Variants in SYT1 observed in about 807,000 individuals in gnomAD.
SYT1 encodes synaptotagmin 1.
SYT1 carries 8 observed loss-of-function variants against 44.8 expected under a neutral mutation model. The observed-to-expected ratio is 0.18, with a 90% CI of 0.10 to 0.32. The LOEUF is 0.32. Ranked by LOEUF, SYT1 falls within the 10% of genes least tolerant of loss-of-function variation. The pLI is 1.00. For synonymous variants in SYT1, 154 were observed against 188.8 expected, an observed-to-expected ratio of 0.82 and a Z score of 1.51; for missense variants, 286 against 509.3, an observed-to-expected ratio of 0.56 and a Z score of 4.22.
At chr12:78,996,272 A>C (rs1418030890) in intron 2 of SYT1, among the ~76,000 whole-genome samples, 1 of 152,208 alleles carries the variant, frequency 6.6e-6, no homozygotes, top group African/African-American at 2.4e-5. Flanking sequence ...TGCTCTCAAG[A>C]GAATCCCTTG....
At chr12:79,422,735 T>C (rs532448420) in intron 9 of SYT1, among the ~76,000 whole-genome samples, 1 of 152,196 alleles carries the variant, frequency 6.6e-6, no homozygotes, top group South Asian at 2.1e-4. Context: ...TTAATCCCTC[T>C]CTTTAATCAG....
At chr12:79,159,377 A>G (rs1014408327) in intron 3 of SYT1, among the ~76,000 whole-genome samples, 16 of 152,174 alleles carry the variant, frequency 1.1e-4, no homozygotes, top group African/African-American at 3.9e-4. Flanking sequence ...ATGGCTGGGA[A>G]GGTTGAGTAG....
rs375492827 is a variant in SYT1, at chr12:79,031,750, A to T, written c.-83-15547A>T. ...ATTATCAGACTGGGAAAGAGGAAAA[A>T]TGAGACATAGAATAAGATATAATAA... On this transcript the variant is annotated intron_variant, in intron 2 of 10. Coordinates refer to ENST00000261205, the MANE Select transcript of SYT1 (RefSeq NM_005639.3). 1.1e-4 allele frequency among the ~76,000 whole-genome samples: 16 copies of T among 151,186 alleles called. 1 individual carries two copies. Among genetic ancestry groups the T allele is most frequent in the East Asian group, 5.8e-4 (3 of 5,138 alleles).
chr12:79,026,483 G>T (rs369367463), intron 2 of SYT1, among the ~76,000 whole-genome samples: 2 of 150,850 alleles, frequency 1.3e-5, no homozygotes. Flanking sequence ...TAAGAAAAGC[G>T]AAAAGTTATA....
chr12:79,256,037 T>C (rs1877493930), intron 4 of SYT1, among the ~76,000 whole-genome samples: 2 of 152,204 alleles, frequency 1.3e-5, no homozygotes, highest in African/African-American at 2.4e-5. Flanking sequence ...GAATACAAAA[T>C]GAATAGTGGC....
chr12:78,889,973 A>G (rs1340500638), intron 1 of SYT1, among the ~76,000 whole-genome samples: 1 of 151,936 alleles, frequency 6.6e-6, no homozygotes, highest in Non-Finnish European at 1.5e-5. Context: ...AAACTTATGT[A>G]TATTTGAGTT....
chr12:79,357,185 A>G (rs764026978), intron 9 of SYT1, among the ~76,000 whole-genome samples: 34 of 152,196 alleles, frequency 2.2e-4, no homozygotes, highest in Admixed American at 3.9e-4. Flanking sequence ...TTTGGCCTCT[A>G]TTGTATATCC....
intron 9 of SYT1, among the ~76,000 whole-genome samples, chr12:79,411,358 G>A (rs1868417262): frequency 6.6e-6 from 1 of 152,140 alleles, no homozygotes; most frequent in African/African-American, 2.4e-5. Flanking sequence ...TTGACCACCT[G>A]CAAGGGAAGC....
chr12:79,427,029 T>G (rs1212539119), intron 9 of SYT1, among the ~76,000 whole-genome samples: 2 of 152,216 alleles, frequency 1.3e-5, no homozygotes, highest in Non-Finnish European at 2.9e-5. Flanking sequence ...GATTGTAAGT[T>G]TCCTGAGGCC....
chr12:79,271,324 A>C (rs961943478), intron 4 of SYT1, among the ~76,000 whole-genome samples: 1 of 152,192 alleles, frequency 6.6e-6, no homozygotes, highest in African/African-American at 2.4e-5. Context: ...ACGTTTTTCC[A>C]TCCGAGAGTT....
chr12:78,942,633 C>T (rs1488848437), intron 1 of SYT1, among the ~76,000 whole-genome samples: 1 of 152,158 alleles, frequency 6.6e-6, no homozygotes, highest in East Asian at 1.9e-4. Context: ...TCTAAGTCTC[C>T]TTAACTACTT....
At chr12:79,383,511 T>C (rs1245765) in intron 9 of SYT1, among the ~76,000 whole-genome samples, 75,801 of 151,952 alleles carry the variant, frequency 0.5, 23,477 homozygotes, top group African/African-American at 0.87. Flanking sequence ...GATATAGTTA[T>C]TTAAATAAAA....
intron 3 of SYT1, among the ~76,000 whole-genome samples, chr12:79,148,251 G>A (rs1050101889): frequency 2.6e-5 from 4 of 152,114 alleles, no homozygotes; most frequent in African/African-American, 7.2e-5. Flanking sequence ...GCATCATTAT[G>A]AGTGGGCAGC....
At chr12:79,344,855 A>G (rs1470926076) in intron 8 of SYT1, among the ~76,000 whole-genome samples, 1 of 152,196 alleles carries the variant, frequency 6.6e-6, no homozygotes, top group East Asian at 1.9e-4. Context: ...TTCTAATGGG[A>G]CCACAAGTGT....
chr12:79,318,875 CAG>C (rs1038624844), intron 8 of SYT1, among the ~76,000 whole-genome samples: 8 of 152,146 alleles, frequency 5.3e-5, no homozygotes, highest in African/African-American at 1.2e-4. Flanking sequence ...TTAAAATAGG[CAG>C]AGAGTGTGGA....
chr12:78,996,702 A>G (rs1024623321), intron 2 of SYT1, among the ~76,000 whole-genome samples: 4 of 152,184 alleles, frequency 2.6e-5, no homozygotes, highest in African/African-American at 9.7e-5. Flanking sequence ...GCCACACCCT[A>G]CAAATCCATA....
intron 2 of SYT1, among the ~76,000 whole-genome samples, chr12:79,036,846 C>T (rs767570062): frequency 9.2e-5 from 14 of 151,672 alleles, no homozygotes; most frequent in African/African-American, 2.4e-4. Flanking sequence ...TTTTAATAAA[C>T]GGACCTGTAT....
chr12:78,925,110 C>T (rs1386675158), intron 1 of SYT1, among the ~76,000 whole-genome samples: 2 of 151,830 alleles, frequency 1.3e-5, no homozygotes, highest in Non-Finnish European at 2.9e-5. Flanking sequence ...ATCTATGTAT[C>T]TAGCTATCCA....
chr12:79,448,099 A>T (rs1236851315), intron 10 of SYT1, among the ~76,000 whole-genome samples: 1 of 152,218 alleles, frequency 6.6e-6, no homozygotes, highest in Non-Finnish European at 1.5e-5. Flanking sequence ...TATATATTTT[A>T]TACCATAATG....
Sources: allele counts gnomAD v4.1 joint callset (sites outside exome capture counted in the v4.1 genomes callset), GRCh38; gene constraint gnomAD v4.1.1; transcripts MANE v1.5; gene names NCBI Gene and HGNC (gene_info 2026-07-23, HGNC 2026-07-21).